FABP6: variants seen among roughly 807,000 people sequenced by gnomAD.
The protein encoded by FABP6 is gastrotropin.
FABP6 carries 13 observed loss-of-function variants against 14.9 expected under a neutral mutation model. That is an observed-to-expected ratio of 0.87 (90% CI 0.57 to 1.39). The LOEUF (loss-of-function observed/expected upper bound fraction) is 1.39, where lower values mean the gene tolerates loss of function less well. Ranked by LOEUF, FABP6 falls within the 40% of genes most tolerant of loss-of-function variation. The pLI is 0.00. For missense variants in FABP6, 161 were observed against 167.2 expected, an observed-to-expected ratio of 0.96 and a Z score of 0.20; for synonymous variants, 75 against 63.6, an observed-to-expected ratio of 1.18 and a Z score of -0.85.
At chr5:160,187,599 C>T (rs1384880254) in intron 1 of FABP6, 3 of 152,164 alleles carry the variant, frequency 2.0e-5, no homozygotes, top group African/African-American at 7.2e-5. Flanking sequence ...GGAGTAGAGC[C>T]CTGACTTGGG....
At chr5:160,197,254 C>G (rs1184645731) in intron 1 of FABP6, 1 of 152,252 alleles carries the variant, frequency 6.6e-6, no homozygotes, top group Non-Finnish European at 1.5e-5. Flanking sequence ...CAGTTCTACG[C>G]TCTCTGTCTT....
At chr5:160,205,955 T>C (rs1759756287) in intron 2 of FABP6, among the ~76,000 whole-genome samples, 1 of 152,212 alleles carries the variant, frequency 6.6e-6, no homozygotes, top group Non-Finnish European at 1.5e-5. Flanking sequence ...AAGGTCTCTT[T>C]TCTTTTTTCT....
exon 3 of FABP6, chr5:160,213,810 T>A (rs2113107392): frequency 1.2e-6 from 2 of 1,613,550 alleles, no homozygotes; most frequent in Non-Finnish European, 1.7e-6. Context: ...AACAGACACA[T>A]AAAGGAAAGG....
At chr5:160,216,588 A>G (rs1465042813) in intron 3 of FABP6, among the ~76,000 whole-genome samples, 1 of 152,146 alleles carries the variant, frequency 6.6e-6, no homozygotes, top group Non-Finnish European at 1.5e-5. Context: ...GTAACTTAAC[A>G]GACTGGCATT....
intron 1 of FABP6, chr5:160,197,970 G>GTGT (rs1484549165): frequency 6.6e-6 from 1 of 152,438 alleles, no homozygotes; most frequent in African/African-American, 2.5e-5. Flanking sequence ...GTGTGTGTGT[G>GTGT]TATGTGTGTG....
chr5:160,192,285 C>G (rs1759410615), intron 1 of FABP6, among the ~76,000 whole-genome samples: 1 of 152,180 alleles, frequency 6.6e-6, no homozygotes, highest in Non-Finnish European at 1.5e-5. Context: ...CTTCAGCCTC[C>G]CAAGTGGCTG....
At chr5:160,227,991 C>T (rs1206616962), upstream of FABP6, among the ~76,000 whole-genome samples, 2 of 151,918 alleles carry the variant, frequency 1.3e-5, no homozygotes, top group Admixed American at 1.3e-4. Context: ...AGTCCCAGGT[C>T]TGGGAGTCAG....
At position 160,232,088 on chromosome 5, in the gene FABP6, C is replaced by G. The variant is rs1760394888; in HGVS notation, c.68-10C>G. ...TCTTATATGGCTACTCTGCTTGTCC[C>G]CGGGTCCAGGGATCTCCAGCGATGT... On this transcript the variant is annotated splice_polypyrimidine_tract_variant and intron_variant, in intron 1 of 3. Transcript: ENST00000402432. The G allele has an allele frequency of 6.2e-7, 1 of 1,613,384 alleles. No individual in the cohort carries two copies. Among genetic ancestry groups the G allele is most frequent in the Non-Finnish European group, 8.5e-7 (1 of 1,179,744 alleles).
rs73817328 is a variant in FABP6, at chr5:160,206,818, A to G, written c.52-6918A>G. The stretch of plus-strand genomic sequence containing the variant: ...AACACCACTGAGGAGTGAGGAGGTC[A>G]AGTCCAGGGTGGCTTGGACATGCAC... On this transcript the variant is annotated intron_variant, in intron 2 of 6. Transcript: ENST00000393980. Among the ~76,000 whole-genome samples, 113 of 152,304 alleles carry G rather than the reference A, an allele frequency of 7.4e-4. 1 individual carries two copies. Among genetic ancestry groups the G allele is most frequent in the African/African-American group, 2.7e-3 (112 of 41,560 alleles).
chr5:160,198,803 C>T, intron 1 of FABP6: 1 of 404,678 alleles, frequency 2.5e-6, no homozygotes, highest in South Asian at 3.4e-5. Flanking sequence ...CCTTCCCTGC[C>T]CACCCCATCT....
chr5:160,199,458 C>T (rs1236461779), intron 2 of FABP6, among the ~76,000 whole-genome samples: 2 of 152,142 alleles, frequency 1.3e-5, no homozygotes, highest in Admixed American at 6.5e-5. Flanking sequence ...GCCCCCTGGC[C>T]CCCTGGGCTC....
chr5:160,220,842 G>A (rs1760114349), intron 3 of FABP6, among the ~76,000 whole-genome samples: 1 of 151,738 alleles, frequency 6.6e-6, no homozygotes, highest in Non-Finnish European at 1.5e-5. Flanking sequence ...AATCCCAGCA[G>A]TTTGGGAGGC....
At chr5:160,196,044 T>A (rs2113062643) in intron 1 of FABP6, 1 of 152,730 alleles carries the variant, frequency 6.5e-6, no homozygotes, top group African/African-American at 2.4e-5. Flanking sequence ...TATTCCAGGC[T>A]GTAAGATGCC....
At chr5:160,193,275 T>C (rs368526392) in intron 1 of FABP6, among the ~76,000 whole-genome samples, 1 of 152,274 alleles carries the variant, frequency 6.6e-6, no homozygotes, top group East Asian at 1.9e-4. Context: ...TGTTCGTTCC[T>C]CCCGGTGGGC....
intron 3 of FABP6, among the ~76,000 whole-genome samples, chr5:160,220,779 C>A (rs1760112769): frequency 6.6e-6 from 1 of 151,890 alleles, no homozygotes; most frequent in African/African-American, 2.4e-5. Context: ...GTTTATGGGA[C>A]TGTGTCTCCT....
intron 2 of FABP6, chr5:160,213,673 T>C: frequency 7.1e-7 from 1 of 1,404,576 alleles, no homozygotes; most frequent in Non-Finnish European, 1.0e-6. Context: ...ACAGAGCTGA[T>C]TGGACCAGAG....
At chr5:160,213,997 A>G (rs1759951994) in intron 3 of FABP6, among the ~76,000 whole-genome samples, 1 of 152,228 alleles carries the variant, frequency 6.6e-6, no homozygotes, top group Non-Finnish European at 1.5e-5. Flanking sequence ...AAGGTCAAAT[A>G]TCAGCAGTTA....
exon 3 of FABP6, chr5:160,213,763 A>T (rs764556230): frequency 1.2e-6 from 2 of 1,613,842 alleles, no homozygotes; most frequent in African/African-American, 2.7e-5. Context: ...GTCTGCGTGC[A>T]CATGGGTGAG....
intron 3 of FABP6, among the ~76,000 whole-genome samples, chr5:160,218,735 A>G (rs1420202599): frequency 6.6e-6 from 1 of 150,488 alleles, no homozygotes; most frequent in African/African-American, 2.4e-5. Flanking sequence ...TGTTGGGATT[A>G]CGGGCATGAG....
Sources: gnomAD v4.1 joint callset for allele counts (sites outside exome capture counted in the v4.1 genomes callset) on GRCh38, gnomAD v4.1.1 for gene constraint, MANE v1.5 for transcripts, NCBI Gene and HGNC (gene_info 2026-07-23, HGNC 2026-07-21) for gene names.